CDH4: variants seen among roughly 807,000 people sequenced by gnomAD.
CDH4 encodes cadherin-4.
In CDH4, 33 loss-of-function variants were observed where a neutral mutation model predicts 86.0. The observed-to-expected ratio is 0.38, with a 90% CI of 0.29 to 0.51. The LOEUF is 0.51. Among genes scored for constraint, CDH4 ranks in the 20% least tolerant of loss-of-function variants. The probability of loss-of-function intolerance (pLI) is 0.86; values close to 1 mark genes in which losing one functional copy is unlikely to be tolerated. For synonymous variants in CDH4, 555 were observed against 549.4 expected (o/e 1.01, Z -0.14); for missense variants, 1,114 against 1,307.4 (o/e 0.85, Z 2.28).
intron 4 of CDH4, among the ~76,000 whole-genome samples, chr20:61,790,370 TCTC>T (rs1979111102): frequency 6.9e-6 from 1 of 145,582 alleles, no homozygotes; most frequent in Non-Finnish European, 1.5e-5. Flanking sequence ...TCCATTCATC[TCTC>T]CACTCATCAT....
chr20:61,299,054 G>A (rs182190168), intron 2 of CDH4, among the ~76,000 whole-genome samples: 10 of 152,188 alleles, frequency 6.6e-5, no homozygotes, highest in East Asian at 1.9e-4. Context: ...GAACCTGTGC[G>A]CGTGATCATA....
At chr20:61,430,664 T>C (rs960894919) in intron 2 of CDH4, among the ~76,000 whole-genome samples, 3 of 152,194 alleles carry the variant, frequency 2.0e-5, no homozygotes, top group African/African-American at 7.2e-5. Flanking sequence ...CGGTGACAGA[T>C]CAGTCGCCAG....
At chr20:61,725,738 G>GGGGA (rs1283007774) in intron 2 of CDH4, among the ~76,000 whole-genome samples, 40 of 152,152 alleles carry the variant, frequency 2.6e-4, no homozygotes, top group African/African-American at 9.4e-4. Context: ...AGACACAAGG[G>GGGGA]GGGAGGAGGC....
intron 4 of CDH4, among the ~76,000 whole-genome samples, chr20:61,838,736 A>G (rs1291426698): frequency 6.6e-6 from 1 of 151,448 alleles, no homozygotes; most frequent in Non-Finnish European, 1.5e-5. Context: ...AGGCAGGAGA[A>G]TCACTTGAAC....
At chr20:61,823,665 A>C (rs1981171728) in intron 4 of CDH4, among the ~76,000 whole-genome samples, 1 of 152,196 alleles carries the variant, frequency 6.6e-6, no homozygotes, top group South Asian at 2.1e-4. Flanking sequence ...ACCCATGCTT[A>C]TGATTGTTGA....
At chr20:61,451,844 A>C (rs962037850) in intron 2 of CDH4, among the ~76,000 whole-genome samples, 9 of 152,230 alleles carry the variant, frequency 5.9e-5, no homozygotes, top group African/African-American at 2.2e-4. Context: ...TCTGCACAAC[A>C]TAAATGAGGA....
intron 2 of CDH4, among the ~76,000 whole-genome samples, chr20:61,454,378 A>G (rs148025770): frequency 0.011 from 1,740 of 152,216 alleles, 16 homozygotes; most frequent in Middle Eastern, 0.044. Flanking sequence ...CGGGTCAAAC[A>G]CGGGCGGTTG....
chr20:61,513,133 A>C (rs1359814020), intron 2 of CDH4, among the ~76,000 whole-genome samples: 2 of 152,074 alleles, frequency 1.3e-5, no homozygotes, highest in African/African-American at 2.4e-5. Flanking sequence ...CTTTCCAGGC[A>C]CACACAGCCA....
At chr20:61,471,074 C>T (rs2085499301) in intron 2 of CDH4, among the ~76,000 whole-genome samples, 3 of 151,952 alleles carry the variant, frequency 2.0e-5, no homozygotes, top group African/African-American at 7.2e-5. Flanking sequence ...GAAGTATCCC[C>T]TCCTCCTCTA....
At chr20:61,497,344 A>G (rs2085670100) in intron 2 of CDH4, among the ~76,000 whole-genome samples, 1 of 152,058 alleles carries the variant, frequency 6.6e-6, no homozygotes, top group Non-Finnish European at 1.5e-5. Flanking sequence ...TTAGAATTCT[A>G]TGTTAATTTA....
At chr20:61,389,193 C>T (rs926583024) in intron 2 of CDH4, among the ~76,000 whole-genome samples, 3 of 149,204 alleles carry the variant, frequency 2.0e-5, no homozygotes, top group Non-Finnish European at 4.5e-5. Flanking sequence ...TGTGTGCACT[C>T]GGAGGGGCAG....
chr20:61,534,648 C>CTTTCTTTTT (rs1568881693), intron 2 of CDH4, among the ~76,000 whole-genome samples: 9 of 108,380 alleles, frequency 8.3e-5, no homozygotes, highest in African/African-American at 4.2e-4. Context: ...TTCTTTCTTT[C>CTTTCTTTTT]TTTTCTTTCT....
chr20:61,910,716 A>G, intron 9 of CDH4, 109 bp downstream of exon 9: 1 of 1,042,520 alleles, frequency 9.6e-7, no homozygotes. Context: ...CTGCCCCCCT[A>G]ATATCCAAGG....
chr20:61,395,337 A>G (rs1042820464), intron 2 of CDH4, among the ~76,000 whole-genome samples: 14 of 152,222 alleles, frequency 9.2e-5, no homozygotes, highest in African/African-American at 3.4e-4. Context: ...TAAAGTTGCA[A>G]AAATAAATTT....
At position 61,454,647 on chromosome 20, in the gene CDH4, G is replaced by A. The variant is rs562862901; in HGVS notation, c.169+199710G>A. ...TTTCTAGTAGAAACGGGGTTTCACC[G>A]TGTTTGCCAGGATGGTCTCGATCTC... On this transcript the variant is annotated intron_variant, in intron 2 of 15. Transcript: ENST00000614565. Among the ~76,000 whole-genome samples the A allele has an allele frequency of 2.8e-4, 43 of 152,204 alleles. 1 individual carries two copies. In the South Asian group the frequency reaches 8.3e-3, roughly 29 times the overall value.
At chr20:61,551,516 G>T (rs1048832717) in intron 2 of CDH4, among the ~76,000 whole-genome samples, 3 of 152,192 alleles carry the variant, frequency 2.0e-5, no homozygotes, top group African/African-American at 7.2e-5. Flanking sequence ...CCCAGGGGCA[G>T]CCACTCTCCT....
intron 2 of CDH4, among the ~76,000 whole-genome samples, chr20:61,296,666 G>A (rs1363291465): frequency 1.3e-5 from 2 of 152,084 alleles, no homozygotes; most frequent in Non-Finnish European, 2.9e-5. Flanking sequence ...ATTTTAAAAT[G>A]TTCACCATGC....
At chr20:61,826,234 C>T (rs1203493453) in intron 4 of CDH4, among the ~76,000 whole-genome samples, 2 of 152,232 alleles carry the variant, frequency 1.3e-5, no homozygotes, top group African/African-American at 4.8e-5. Flanking sequence ...GCATAACCTA[C>T]TCCCATTTCC....
At chr20:61,404,395 A>G (rs2085067983) in intron 2 of CDH4, among the ~76,000 whole-genome samples, 1 of 152,210 alleles carries the variant, frequency 6.6e-6, no homozygotes, top group African/African-American at 2.4e-5. Context: ...CCACAATGGT[A>G]GAGTGCTTTT....
Sources: allele counts gnomAD v4.1 joint callset (sites outside exome capture counted in the v4.1 genomes callset), GRCh38; gene constraint gnomAD v4.1.1; transcripts MANE v1.5; gene names NCBI Gene and HGNC (gene_info 2026-07-23, HGNC 2026-07-21).